The following MGAT5 variants were observed in gnomAD, a reference collection of about 807,000 sequenced individuals.
MGAT5 encodes alpha-1,6-mannosylglycoprotein 6-beta-N-acetylglucosaminyltransferase A.
In MGAT5, 30 loss-of-function variants were observed where a neutral mutation model predicts 94.3. The ratio of observed to expected loss-of-function variants is 0.32; its 90% CI spans 0.24 to 0.43. MGAT5 has a LOEUF of 0.43. Ranked by LOEUF, MGAT5 falls within the 20% of genes least tolerant of loss-of-function variation. The pLI, the probability that MGAT5 is intolerant of heterozygous loss-of-function variation, is 1.00. For missense variants in MGAT5, 691 were observed against 905.5 expected, an observed-to-expected ratio of 0.76 and a Z score of 3.04; for synonymous variants, 310 against 322.9, an observed-to-expected ratio of 0.96 and a Z score of 0.43.
chr2:134,291,776 A>C (rs1183586503), intron 2 of MGAT5, among the ~76,000 whole-genome samples: 1 of 152,232 alleles, frequency 6.6e-6, no homozygotes, highest in Non-Finnish European at 1.5e-5. Flanking sequence ...AACAGCTGCT[A>C]TGACTACTTG....
At chr2:134,275,036 G>A (rs1684276743) in intron 2 of MGAT5, among the ~76,000 whole-genome samples, 1 of 152,182 alleles carries the variant, frequency 6.6e-6, no homozygotes, top group Non-Finnish European at 1.5e-5. Context: ...AATGGACCTT[G>A]AAATTTAGTT....
At chr2:134,434,031 C>A (rs1157532162) in intron 14 of MGAT5, among the ~76,000 whole-genome samples, 1 of 152,078 alleles carries the variant, frequency 6.6e-6, no homozygotes, top group African/African-American at 2.4e-5. Flanking sequence ...TTTCTGGACC[C>A]CCTTCACACA....
At chr2:134,238,753 G>A (rs1207107613) in intron 1 of MGAT5, among the ~76,000 whole-genome samples, 2 of 152,126 alleles carry the variant, frequency 1.3e-5, no homozygotes, top group Non-Finnish European at 2.9e-5. Flanking sequence ...AGACCAGCCT[G>A]GCCAACATGG....
At chr2:134,258,402 A>G (rs1683117793) in intron 1 of MGAT5, among the ~76,000 whole-genome samples, 1 of 152,268 alleles carries the variant, frequency 6.6e-6, no homozygotes, top group South Asian at 2.1e-4. Flanking sequence ...ACCATGGCCT[A>G]CGGGCCAAGT....
Position 134,450,781 on chromosome 2 carries a change from T to G in MGAT5, c.*1934T>G, listed in dbSNP as rs1686057445. ...GAAGTCCAAAGGAAACCTTGGTGAG[T>G]GAGTGTGTGTGTGTGTGTGTGTGTG... On this transcript the variant is annotated 3_prime_UTR_variant, in exon 16 of 16. Transcript: ENST00000281923. 1 of 118,314 alleles carries G rather than the reference T, an allele frequency of 8.5e-6. No individual in the cohort carries two copies. Among genetic ancestry groups the G allele is most frequent in the Non-Finnish European group, 1.7e-5 (1 of 59,784 alleles). 7.3% of individuals were successfully genotyped at this position (118,314 alleles called of 1,614,324 possible). A position where few individuals can be genotyped will look rare whatever the true frequency, so the allele number is the denominator to read the frequency against.
chr2:134,164,853 C>CAAA (rs1558965471), intron 1 of MGAT5, among the ~76,000 whole-genome samples: 2 of 128,878 alleles, frequency 1.6e-5, no homozygotes, highest in African/African-American at 2.7e-5. Flanking sequence ...AAAAAAAAAC[C>CAAA]AAACCAAACA....
intron 1 of MGAT5, among the ~76,000 whole-genome samples, chr2:134,228,745 A>AC (rs1403853878): frequency 2.0e-5 from 3 of 151,946 alleles, no homozygotes; most frequent in Non-Finnish European, 4.4e-5. Flanking sequence ...TTCCTCTGGC[A>AC]CCCCCTTGGG....
intron 1 of MGAT5, among the ~76,000 whole-genome samples, chr2:134,163,620 G>A (rs1012470097): frequency 3.9e-5 from 6 of 152,210 alleles, no homozygotes; most frequent in African/African-American, 1.4e-4. Flanking sequence ...TCCAGGACTG[G>A]ATGATTGTCA....
chr2:134,399,861 A>G (rs1682935906), intron 10 of MGAT5, among the ~76,000 whole-genome samples: 1 of 152,238 alleles, frequency 6.6e-6, no homozygotes, highest in African/African-American at 2.4e-5. Context: ...TATGCTGGAA[A>G]ATGTCTCTTA....
intron 10 of MGAT5, among the ~76,000 whole-genome samples, chr2:134,401,160 C>G (rs1342624514): frequency 1.3e-5 from 2 of 152,052 alleles, no homozygotes; most frequent in African/African-American, 4.8e-5. Context: ...TCTTGGGTCC[C>G]TCTTATGACC....
In MGAT5 at chr2:134,225,295, C is replaced by CT. The variant is rs373708233; in HGVS notation, c.-142-28966dup. On this transcript the variant is annotated intron_variant, in intron 1 of 16. Transcript: ENST00000409645. ...CAAAAACTGGCAGTTTCAGCAACACCTGGGAGCTTGTTAGAAATGCAGTCT... is the reference window on the plus strand; with the variant it reads ...CAAAAACTGGCAGTTTCAGCAACACCTTGGGAGCTTGTTAGAAATGCAGTCT... Among the ~76,000 whole-genome samples, 73 of 152,116 alleles carry CT rather than the reference C, an allele frequency of 4.8e-4. 3 individuals are homozygous for CT. The highest frequency in any genetic ancestry group is 1.5e-3 in the African/African-American group (63 of 41,488).
In MGAT5 at chr2:134,428,472, T is replaced by C. The variant is rs753503306; in HGVS notation, c.1869+33T>C. The C allele has an allele frequency of 6.9e-6, 11 of 1,583,132 alleles. No homozygotes were observed. The Admixed American group carries it at 1.8e-4, about 26-fold the overall frequency. On this transcript the variant is annotated intron_variant, in intron 14 of 15. Coordinates refer to ENST00000281923, the MANE Select transcript of MGAT5 (RefSeq NM_002410.5). ...TTATCAGAAGTCAGTCTGTCTTTGC[T>C]GTGTACTGCTTCCTGTGACGCCATA...
At chr2:134,143,299 C>T (rs72843940) in intron 1 of MGAT5, among the ~76,000 whole-genome samples, 8,937 of 152,138 alleles carry the variant, frequency 0.059, 497 homozygotes, top group African/African-American at 0.14. Flanking sequence ...TACTCAATGC[C>T]GCTAAGTTTG....
intron 7 of MGAT5, among the ~76,000 whole-genome samples, chr2:134,344,425 G>A (rs193100292): frequency 7.0e-4 from 107 of 152,156 alleles, no homozygotes; most frequent in African/African-American, 2.5e-3. Flanking sequence ...TTTAGAAAAA[G>A]GGGAGGGGAA....
chr2:134,276,295 C>G (rs1483292148), intron 2 of MGAT5, among the ~76,000 whole-genome samples: 1 of 152,110 alleles, frequency 6.6e-6, no homozygotes, highest in African/African-American at 2.4e-5. Flanking sequence ...TTTCCTGGCC[C>G]ACAGTGTGCT....
intron 1 of MGAT5, among the ~76,000 whole-genome samples, chr2:134,204,001 T>A (rs189471833): frequency 6.6e-6 from 1 of 152,350 alleles, no homozygotes; most frequent in African/African-American, 2.4e-5. Context: ...TTATCATACA[T>A]GGGCAAAGAG....
intron 11 of MGAT5, among the ~76,000 whole-genome samples, chr2:134,406,164 C>T (rs1683322485): frequency 6.6e-6 from 1 of 152,202 alleles, no homozygotes; most frequent in East Asian, 1.9e-4. Flanking sequence ...GATTTAACCT[C>T]TTCATGTCCA....
intron 2 of MGAT5, among the ~76,000 whole-genome samples, chr2:134,304,229 G>A (rs548326411): frequency 4.9e-4 from 74 of 152,130 alleles, no homozygotes; most frequent in African/African-American, 1.8e-3. Flanking sequence ...GCTCTTTTCT[G>A]TTAGGTACAA....
At chr2:134,373,296 G>A (rs1362707850) in intron 10 of MGAT5, among the ~76,000 whole-genome samples, 1 of 152,210 alleles carries the variant, frequency 6.6e-6, no homozygotes, top group Admixed American at 6.5e-5. Context: ...CCCAGAAGAT[G>A]AGCAGTACAG....
Sources: gnomAD v4.1 joint callset for allele counts (sites outside exome capture counted in the v4.1 genomes callset) on GRCh38, gnomAD v4.1.1 for gene constraint, MANE v1.5 for transcripts, NCBI Gene and HGNC (gene_info 2026-07-23, HGNC 2026-07-21) for gene names.